Variants in C4orf51 observed in about 807,000 individuals in gnomAD.
The protein encoded by C4orf51 is chromosome 4 open reading frame 51.
C4orf51 carries 25 observed loss-of-function variants against 25.2 expected under a neutral mutation model. The ratio of observed to expected loss-of-function variants is 0.99; its 90% CI spans 0.72 to 1.39. The LOEUF (loss-of-function observed/expected upper bound fraction) is 1.39. Among genes scored for constraint, C4orf51 ranks in the 40% most tolerant of loss-of-function variants. The pLI is 0.00. For synonymous variants in C4orf51, 100 were observed against 84.5 expected, an observed-to-expected ratio of 1.18 and a Z score of -1.01; for missense variants, 252 against 239.6, an observed-to-expected ratio of 1.05 and a Z score of -0.34.
intron 1 of C4orf51, among the ~76,000 whole-genome samples, chr4:145,740,631 G>A (rs938243712): frequency 6.6e-6 from 1 of 152,170 alleles, no homozygotes; most frequent in Non-Finnish European, 1.5e-5. Context: ...CATGTGACAA[G>A]TATCTAGCAG....
intron 2 of C4orf51, among the ~76,000 whole-genome samples, chr4:145,722,560 A>C (rs1258116842): frequency 6.6e-6 from 1 of 152,234 alleles, no homozygotes; most frequent in Non-Finnish European, 1.5e-5. Context: ...TTTGCTCTCT[A>C]ATCTATCCCA....
intron 5 of C4orf51, among the ~76,000 whole-genome samples, chr4:145,731,549 T>C (rs1160056923): frequency 6.8e-6 from 1 of 146,142 alleles, no homozygotes; most frequent in Non-Finnish European, 1.5e-5. Context: ...TTTTTATTTA[T>C]GAGACAAGGC....
At chr4:145,722,077 G>A (rs1731771655) in intron 2 of C4orf51, among the ~76,000 whole-genome samples, 1 of 151,786 alleles carries the variant, frequency 6.6e-6, no homozygotes, top group Non-Finnish European at 1.5e-5. Context: ...AATGGGGGAG[G>A]GCACGAATAA....
chr4:145,745,376 A>G (rs1323129330), intron 1 of C4orf51, among the ~76,000 whole-genome samples: 1 of 140,606 alleles, frequency 7.1e-6, no homozygotes, highest in Non-Finnish European at 1.5e-5. Flanking sequence ...CTAACCCCCT[A>G]GAACCCTTCC....
chr4:145,692,953 GTTTTTTTTTTTTTTTTT>G lies in C4orf51; in HGVS notation c.234-3596_234-3580del, dbSNP rs202227019. The stretch of plus-strand genomic sequence containing the variant: ...TTACTCCGCTGATATTAAGTTTTTA[GTTTTTTTTTTTTTTTTT>G]TTTTTTTTTGTAAGTCCCATCAGGT... On this transcript the variant is annotated intron_variant, in intron 1 of 5. Transcript: ENST00000438731. Among the ~76,000 whole-genome samples the G allele has an allele frequency of 3.3e-3, 332 of 101,006 alleles. 4 individuals carry two copies. The highest frequency in any genetic ancestry group is 0.011 in the African/African-American group (299 of 28,280). The allele number at this position is 101,006 out of a possible 152,430, so 66.3% of individuals were successfully genotyped here.
intron 1 of C4orf51, among the ~76,000 whole-genome samples, chr4:145,694,920 C>G (rs996264148): frequency 3.9e-5 from 6 of 152,156 alleles, no homozygotes; most frequent in African/African-American, 1.4e-4. Flanking sequence ...GAAAATGTTA[C>G]CCTTTTATGA....
intron 3 of C4orf51, among the ~76,000 whole-genome samples, chr4:145,728,944 C>T (rs1273602820): frequency 1.3e-5 from 2 of 151,206 alleles, no homozygotes; most frequent in African/African-American, 4.9e-5. Flanking sequence ...CAGGGTCTTG[C>T]TATGTTGCCC....
At chr4:145,711,519 CTT>C (rs1380806909) in intron 2 of C4orf51, among the ~76,000 whole-genome samples, 3 of 152,034 alleles carry the variant, frequency 2.0e-5, no homozygotes, top group African/African-American at 7.2e-5. Flanking sequence ...CTTTCTTTCT[CTT>C]TTCCTTCTGG....
the C4orf51 span, among the ~76,000 whole-genome samples, chr4:145,780,390 C>A: frequency 1.3e-5 from 2 of 152,194 alleles, no homozygotes; most frequent in African/African-American, 4.8e-5. Context: ...AACTACCACA[C>A]GCTGTGCCAC....
At chr4:145,685,937 A>G (rs1430729377) in intron 1 of C4orf51, among the ~76,000 whole-genome samples, 1 of 152,224 alleles carries the variant, frequency 6.6e-6, no homozygotes, top group Non-Finnish European at 1.5e-5. Context: ...AAATTAGAAA[A>G]CAATCTTTGA....
chr4:145,716,696 G>A (rs1731434309), intron 2 of C4orf51, among the ~76,000 whole-genome samples: 2 of 152,116 alleles, frequency 1.3e-5, no homozygotes, highest in Admixed American at 1.3e-4. Context: ...TGCACATAGT[G>A]GAAAAAGTTA....
downstream of C4orf51, among the ~76,000 whole-genome samples, chr4:145,772,678 G>GC (rs1394650727): frequency 6.6e-6 from 1 of 152,178 alleles, no homozygotes; most frequent in African/African-American, 2.4e-5. Flanking sequence ...AAAAAAGCTT[G>GC]CAGGACCCTG....
intron 1 of C4orf51, among the ~76,000 whole-genome samples, chr4:145,748,524 T>C (rs139891123): frequency 1.9e-4 from 29 of 152,250 alleles, no homozygotes; most frequent in African/African-American, 7.0e-4. Context: ...CAGGCACTTA[T>C]AGTTATAAAC....
chr4:145,765,585 C>T lies in C4orf51; in HGVS notation n.167-5403C>T. On this transcript the variant is annotated intron_variant and non_coding_transcript_variant, in intron 1 of 1. Transcript: ENST00000510096. This position sits in a 1 kb window ranked among gnomAD's most constrained non-coding sequence, Gnocchi z 4.7. Reference sequence around the variant, plus strand: ...TTCCTCACTGTTCAGTGAGGGCTGGCTCCCAGGCATGACAGAGATGACCAG... The same window carrying T: ...TTCCTCACTGTTCAGTGAGGGCTGGTTCCCAGGCATGACAGAGATGACCAG... 6.2e-7 allele frequency: 1 copy of T among 1,613,974 alleles called. No individual in the cohort carries two copies. The highest frequency in any genetic ancestry group is 8.5e-7 in the Non-Finnish European group (1 of 1,179,936).
the C4orf51 span, among the ~76,000 whole-genome samples, chr4:145,780,098 C>G: frequency 6.6e-6 from 1 of 151,986 alleles, no homozygotes; most frequent in African/African-American, 2.4e-5. Context: ...GGCTGAGGCA[C>G]GAGAATCGCT....
chr4:145,752,984 T>G (rs753060928), intron 1 of C4orf51, among the ~76,000 whole-genome samples: 24 of 152,166 alleles, frequency 1.6e-4, no homozygotes, highest in Non-Finnish European at 3.5e-4. Flanking sequence ...AGTACACAGA[T>G]CCTGCGTGCC....
chr4:145,750,293 A>C (rs574642370), intron 1 of C4orf51, among the ~76,000 whole-genome samples: 3 of 150,750 alleles, frequency 2.0e-5, no homozygotes, highest in East Asian at 3.9e-4. Context: ...TCCCTTTAGC[A>C]TTTCTTGTAG....
intron 1 of C4orf51, among the ~76,000 whole-genome samples, chr4:145,693,867 C>G (rs1430597069): frequency 3.3e-5 from 2 of 61,426 alleles, no homozygotes; most frequent in East Asian, 5.3e-4. Flanking sequence ...CCCTCCCGGA[C>G]GGGGTGGCTG....
downstream of C4orf51, chr4:145,759,148 T>C (rs902177027): frequency 7.9e-5 from 12 of 152,296 alleles, no homozygotes; most frequent in Middle Eastern, 3.4e-3. Flanking sequence ...ATAAATAATA[T>C]ATAAACTTTT....
Sources: gnomAD v4.1 joint callset for allele counts (sites outside exome capture counted in the v4.1 genomes callset) on GRCh38, gnomAD v4.1.1 for gene constraint, Gnocchi (gnomAD v3.1) non-coding constraint, MANE v1.5 for transcripts, NCBI Gene and HGNC (gene_info 2026-07-23, HGNC 2026-07-21) for gene names.